Variants in TET1 observed in about 807,000 individuals in gnomAD.
TET1 encodes tet methylcytosine dioxygenase 1.
TET1 carries 13 observed loss-of-function variants against 148.7 expected under a neutral mutation model. That is an observed-to-expected ratio of 0.09 (90% CI 0.06 to 0.14). TET1 has a LOEUF of 0.14. Among genes scored for constraint, TET1 ranks in the 10% least tolerant of loss-of-function variants. TET1 has a pLI of 1.00. For synonymous variants in TET1, 907 were observed against 937.2 expected, an observed-to-expected ratio of 0.97 and a Z score of 0.59; for missense variants, 2,182 against 2,553.8, an observed-to-expected ratio of 0.85 and a Z score of 3.14.
At chr10:68,599,345 C>T (rs1395687742) in intron 2 of TET1, among the ~76,000 whole-genome samples, 3 of 152,246 alleles carry the variant, frequency 2.0e-5, no homozygotes, top group African/African-American at 7.2e-5. Flanking sequence ...GTGCAGCTGT[C>T]AAGGTGGCTG....
chr10:68,582,755 A>G (rs1047143931), intron 2 of TET1, among the ~76,000 whole-genome samples: 2 of 152,182 alleles, frequency 1.3e-5, no homozygotes, highest in Non-Finnish European at 2.9e-5. Flanking sequence ...TACATATGGC[A>G]TATGGAACAA....
chr10:68,619,513 A>G (rs1340322650), intron 3 of TET1, among the ~76,000 whole-genome samples: 1 of 152,154 alleles, frequency 6.6e-6, no homozygotes, highest in African/African-American at 2.4e-5. Flanking sequence ...ACTGCACCCA[A>G]CCACGCCCAT....
chr10:68,657,315 T>A (rs2055038726), intron 6 of TET1, among the ~76,000 whole-genome samples: 1 of 152,126 alleles, frequency 6.6e-6, no homozygotes, highest in Non-Finnish European at 1.5e-5. Flanking sequence ...TAGCTAGGAC[T>A]ACAGGCGCCT....
chr10:68,605,969 T>C (rs1329108136), intron 3 of TET1, among the ~76,000 whole-genome samples: 1 of 152,202 alleles, frequency 6.6e-6, no homozygotes, highest in Non-Finnish European at 1.5e-5. Context: ...CAAACTATTT[T>C]CCTTTCTCAT....
intron 2 of TET1, among the ~76,000 whole-genome samples, chr10:68,588,003 C>T (rs1328249461): frequency 1.3e-5 from 2 of 152,008 alleles, no homozygotes; most frequent in African/African-American, 4.8e-5. Context: ...GCTGGGAGTA[C>T]AGGTGCGCAC....
chr10:68,582,376 A>G (rs1388994779), intron 2 of TET1, among the ~76,000 whole-genome samples: 1 of 152,126 alleles, frequency 6.6e-6, no homozygotes, highest in Non-Finnish European at 1.5e-5. Context: ...GATTACAGGC[A>G]TGAGCCACCG....
intron 3 of TET1, among the ~76,000 whole-genome samples, chr10:68,622,451 A>G (rs980627610): frequency 1.3e-5 from 2 of 151,898 alleles, no homozygotes; most frequent in Non-Finnish European, 2.9e-5. Flanking sequence ...TTTTTTTAGT[A>G]GAGACGGTTT....
At chr10:68,607,322 C>T (rs1292191135) in intron 3 of TET1, among the ~76,000 whole-genome samples, 2 of 151,940 alleles carry the variant, frequency 1.3e-5, no homozygotes, top group African/African-American at 4.8e-5. Flanking sequence ...CTGTATAGCT[C>T]TCCATTTACT....
chr10:68,613,933 C>A (rs1418329721), intron 3 of TET1, among the ~76,000 whole-genome samples: 2 of 135,472 alleles, frequency 1.5e-5, no homozygotes, highest in Non-Finnish European at 3.2e-5. Flanking sequence ...AGCGAGACTT[C>A]GTCTCAAAAA....
chr10:68,686,604 A>C lies in TET1; in HGVS notation c.5301A>C (p.Ala1767=), dbSNP rs1589135532. ...KRAAMMTEVL[A]HKIRAVEKKP... ...CTGCGATGATGACAGAGGTTCTTGC[A>C]CATAAGATAAGGGCAGTGGAAAAGA... The change falls in exon 11 of 12, where the codon GCA becomes GCC. Residue 1767 remains alanine (A), a synonymous_variant. Coordinates refer to ENST00000373644, the MANE Select transcript of TET1 (RefSeq NM_030625.3). 6.2e-7 allele frequency: 1 copy of C among 1,614,186 alleles called. No homozygotes were observed. Among genetic ancestry groups the C allele is most frequent in the East Asian group, 2.2e-5 (1 of 44,880 alleles).
chr10:68,639,535 C>A (rs2054710480), intron 3 of TET1, among the ~76,000 whole-genome samples: 1 of 151,934 alleles, frequency 6.6e-6, no homozygotes, highest in South Asian at 2.1e-4. Flanking sequence ...GTGGTTCACA[C>A]TGGGCTCACT....
At chr10:68,649,647 T>C (rs1435481224) in intron 4 of TET1, among the ~76,000 whole-genome samples, 2 of 150,968 alleles carry the variant, frequency 1.3e-5, no homozygotes, top group African/African-American at 2.4e-5. Context: ...TTTCTAAATA[T>C]CCTTACAAAT....
At chr10:68,655,454 G>T (rs1408730691) in intron 6 of TET1, among the ~76,000 whole-genome samples, 3 of 152,124 alleles carry the variant, frequency 2.0e-5, no homozygotes, top group Non-Finnish European at 4.4e-5. Flanking sequence ...TTTCTGAATT[G>T]TTCACTCCTT....
chr10:68,676,912 G>T (rs969959492), intron 8 of TET1, among the ~76,000 whole-genome samples: 1 of 152,136 alleles, frequency 6.6e-6, no homozygotes, highest in Admixed American at 6.5e-5. Flanking sequence ...AGATCCTGAG[G>T]CATTCTTAAA....
intron 2 of TET1, among the ~76,000 whole-genome samples, chr10:68,594,586 C>T (rs950558274): frequency 2.5e-4 from 38 of 152,242 alleles, no homozygotes; most frequent in African/African-American, 7.7e-4. Flanking sequence ...CGCTTACATC[C>T]GGACTATTAC....
Position 68,572,660 on chromosome 10 carries a change from A to C in TET1, c.322A>C (p.Ser108Arg). ...CAATGGGTTTACAATGGCGCTACGAAGCACCTCTCTTAGCAGGCGACTCTC... is the reference window on the plus strand; with the variant it reads ...CAATGGGTTTACAATGGCGCTACGACGCACCTCTCTTAGCAGGCGACTCTC... ...TCNGFTMALRSTSLSRRLSQP... is the reference protein window; with the variant it reads ...TCNGFTMALRRTSLSRRLSQP... Residue 108 changes from serine (S) to arginine (R), a missense_variant, in exon 2 of 12, where the codon AGC (serine) becomes CGC (arginine). This residue lies in a region of TET1 where 665 missense variants were observed against 672.4 expected (regional missense o/e 0.99). Coordinates refer to ENST00000373644, the MANE Select transcript of TET1 (RefSeq NM_030625.3). 6.2e-7 allele frequency: 1 copy of C among 1,614,126 alleles called. No individual in the cohort carries two copies. The highest frequency in any genetic ancestry group is 8.5e-7 in the Non-Finnish European group (1 of 1,180,022).
In TET1 at chr10:68,572,603, G is replaced by T; in HGVS notation, c.265G>T (p.Val89Phe). The T allele has an allele frequency of 6.2e-7, 1 of 1,614,126 alleles. No individual in the cohort carries two copies. Among genetic ancestry groups the T allele is most frequent in the Non-Finnish European group, 8.5e-7 (1 of 1,180,022 alleles). Residue 89 changes from valine to phenylalanine, a missense_variant, in exon 2 of 12, where the codon GTT (valine) becomes TTT (phenylalanine). Physicochemically the swap from Val to Phe is conservative, Grantham distance 50. Around this residue, in one of 11 missense-constraint regions of TET1, gnomAD observed 665 missense variants for 672.4 expected, o/e 0.99. Coordinates refer to ENST00000373644, the MANE Select transcript of TET1 (RefSeq NM_030625.3). ...AARMNLDRTE[V>F]LFQNPESLTC... ...ACGCATGAATTTGGATAGGACTGAG[G>T]TTCTTTTTCAGAACCCAGAGTCCTT...
intron 7 of TET1, among the ~76,000 whole-genome samples, chr10:68,668,193 G>T (rs2055220118): frequency 6.6e-6 from 1 of 151,978 alleles, no homozygotes; most frequent in South Asian, 2.1e-4. Flanking sequence ...GATATAATTT[G>T]CAAATATTTT....
chr10:68,687,352 G>A (rs1028779528), intron 11 of TET1, among the ~76,000 whole-genome samples: 6 of 151,358 alleles, frequency 4.0e-5, no homozygotes, highest in African/African-American at 1.5e-4. Flanking sequence ...CAGGCACACA[G>A]CACTGTGCCC....
Sources: gnomAD v4.1 joint callset for allele counts (sites outside exome capture counted in the v4.1 genomes callset) on GRCh38, gnomAD v4.1.1 for gene constraint, gnomAD v4.1.1 regional missense constraint, MANE v1.5 for transcripts, NCBI Gene and HGNC (gene_info 2026-07-23, HGNC 2026-07-21) for gene names.